The following STX8 variants were observed in gnomAD, a reference collection of about 807,000 sequenced individuals.
STX8 encodes the protein syntaxin-8.
In STX8, 23 loss-of-function variants were observed where a neutral mutation model predicts 37.5. That is an observed-to-expected ratio of 0.61 (90% CI 0.44 to 0.87). The LOEUF (loss-of-function observed/expected upper bound fraction) is 0.87, where lower values mean the gene tolerates loss of function less well. Among genes scored for constraint, STX8 ranks in the 40% least tolerant of loss-of-function variants. The probability of loss-of-function intolerance (pLI) is 0.00; values close to 1 mark genes in which losing one functional copy is unlikely to be tolerated. For synonymous variants in STX8, 115 were observed against 99.1 expected (o/e 1.16, Z -0.95); for missense variants, 313 against 284.7 (o/e 1.10, Z -0.71).
At chr17:9,568,264 G>A in intron 2 of STX8, 107 bp downstream of exon 2, 2 of 750,426 alleles carry the variant, frequency 2.7e-6, no homozygotes, top group South Asian at 3.7e-5. Context: ...TAAGCAGATA[G>A]ATCATCATAC....
chr17:9,428,053 G>A (rs1049316683), intron 6 of STX8, among the ~76,000 whole-genome samples: 47 of 152,110 alleles, frequency 3.1e-4, no homozygotes, highest in African/African-American at 9.4e-4. Context: ...GCACTCCTAG[G>A]ACCAGTGGCT....
At chr17:9,404,075 AC>A (rs1322971546) in intron 6 of STX8, among the ~76,000 whole-genome samples, 6 of 152,196 alleles carry the variant, frequency 3.9e-5, no homozygotes, top group African/African-American at 1.4e-4. Context: ...TTATATTCTT[AC>A]AATAAAGTAA....
chr17:9,432,940 C>T (rs1053169184), intron 6 of STX8, among the ~76,000 whole-genome samples: 8 of 152,182 alleles, frequency 5.3e-5, no homozygotes, highest in African/African-American at 1.7e-4. Flanking sequence ...CATTTTCCTC[C>T]ATGGAATACT....
rs553966082 is a variant in STX8, at chr17:9,268,516, C to T, written c.644-17871G>A. On this transcript the variant is annotated intron_variant, in intron 7 of 7. Coordinates refer to ENST00000306357, the MANE Select transcript of STX8 (RefSeq NM_004853.3). ...TGTCCTTCATCTTGGGGGATGAGGCCGCAGTGATGTCCCCCCGATTCAGTA... is the reference window on the plus strand; with the variant it reads ...TGTCCTTCATCTTGGGGGATGAGGCTGCAGTGATGTCCCCCCGATTCAGTA... Among the ~76,000 whole-genome samples, 13 of 152,256 alleles carry T rather than the reference C, an allele frequency of 8.5e-5. No homozygotes were observed. In the South Asian group the frequency reaches 2.1e-3, roughly 24 times the overall value.
intron 1 of STX8, among the ~76,000 whole-genome samples, chr17:9,572,615 G>A (rs1358528805): frequency 2.6e-5 from 4 of 152,016 alleles, no homozygotes; most frequent in African/African-American, 2.4e-5. Flanking sequence ...TCACCATGTT[G>A]GTCAGGCTGG....
intron 6 of STX8, among the ~76,000 whole-genome samples, chr17:9,439,569 C>T (rs1360940040): frequency 6.8e-6 from 1 of 147,602 alleles, no homozygotes; most frequent in Non-Finnish European, 1.5e-5. Flanking sequence ...GATCTTGGCT[C>T]ACTGCAACCT....
At chr17:9,436,103 C>G (rs1457688813) in intron 6 of STX8, among the ~76,000 whole-genome samples, 1 of 151,928 alleles carries the variant, frequency 6.6e-6, no homozygotes, top group Non-Finnish European at 1.5e-5. Flanking sequence ...CCCACCTTGG[C>G]TGGGCGCCGT....
At chr17:9,473,980 C>A (rs1442891402) in intron 6 of STX8, among the ~76,000 whole-genome samples, 2 of 152,158 alleles carry the variant, frequency 1.3e-5, no homozygotes, top group African/African-American at 2.4e-5. Flanking sequence ...CAACTCCCAA[C>A]CCCCAGGGAG....
At chr17:9,384,927 A>G (rs1293464003) in intron 6 of STX8, among the ~76,000 whole-genome samples, 1 of 151,034 alleles carries the variant, frequency 6.6e-6, no homozygotes, top group Admixed American at 6.6e-5. Context: ...AAAACCCCTC[A>G]ACCCTTTTCT....
At chr17:9,294,833 G>C (rs564029363) in intron 7 of STX8, among the ~76,000 whole-genome samples, 12 of 152,274 alleles carry the variant, frequency 7.9e-5, no homozygotes, top group African/African-American at 2.9e-4. Context: ...TAGTCCAATA[G>C]GACTGATGTC....
intron 7 of STX8, among the ~76,000 whole-genome samples, chr17:9,264,690 C>T (rs1268877565): frequency 2.0e-5 from 3 of 152,196 alleles, no homozygotes; most frequent in African/African-American, 4.8e-5. Context: ...AATATAAGAA[C>T]AAGAAGGCAA....
chr17:9,344,450 G>A (rs963963197), intron 7 of STX8, among the ~76,000 whole-genome samples: 10 of 151,924 alleles, frequency 6.6e-5, no homozygotes, highest in African/African-American at 1.9e-4. Context: ...TAGTAGAGAC[G>A]GGGTTTCGCC....
At chr17:9,442,643 T>A (rs1160203572) in intron 6 of STX8, among the ~76,000 whole-genome samples, 1 of 152,086 alleles carries the variant, frequency 6.6e-6, no homozygotes, top group Non-Finnish European at 1.5e-5. Flanking sequence ...CCTGACCTCA[T>A]GGGATTTGCC....
At chr17:9,415,495 G>A (rs1913154763) in intron 6 of STX8, among the ~76,000 whole-genome samples, 1 of 152,064 alleles carries the variant, frequency 6.6e-6, no homozygotes, top group African/African-American at 2.4e-5. Context: ...CTTTTCGGCG[G>A]GTGCGGTGGC....
At chr17:9,390,376 C>T (rs1173527614) in intron 6 of STX8, among the ~76,000 whole-genome samples, 1 of 151,374 alleles carries the variant, frequency 6.6e-6, no homozygotes, top group Non-Finnish European at 1.5e-5. Context: ...ACAAAAATTA[C>T]CTGGGCGTGG....
chr17:9,525,434 C>T (rs1236479453), intron 4 of STX8, among the ~76,000 whole-genome samples: 2 of 151,866 alleles, frequency 1.3e-5, no homozygotes, highest in Non-Finnish European at 2.9e-5. Flanking sequence ...GCAAGCTCCA[C>T]CTCCTGGGTT....
At chr17:9,329,309 C>T (rs1330137266) in intron 7 of STX8, among the ~76,000 whole-genome samples, 1 of 152,120 alleles carries the variant, frequency 6.6e-6, no homozygotes, top group Non-Finnish European at 1.5e-5. Context: ...TCAATGGCAA[C>T]AATATTCTAC....
At chr17:9,443,485 G>A (rs1158453970) in intron 6 of STX8, among the ~76,000 whole-genome samples, 1 of 152,122 alleles carries the variant, frequency 6.6e-6, no homozygotes, top group Non-Finnish European at 1.5e-5. Flanking sequence ...GTACCACTAA[G>A]CTCACCTAAT....
chr17:9,436,280 G>A (rs1429896663), intron 6 of STX8, among the ~76,000 whole-genome samples: 2 of 151,398 alleles, frequency 1.3e-5, no homozygotes, highest in East Asian at 3.9e-4. Flanking sequence ...GGGAGGCGGA[G>A]CTTGCAGTGA....
Sources: gnomAD v4.1 joint callset for allele counts (sites outside exome capture counted in the v4.1 genomes callset) on GRCh38, gnomAD v4.1.1 for gene constraint, MANE v1.5 for transcripts, NCBI Gene and HGNC (gene_info 2026-07-23, HGNC 2026-07-21) for gene names.